Variants in CA12 observed in about 807,000 individuals in gnomAD.
CA12 encodes carbonic anhydrase 12.
A neutral mutation model predicts 46.8 loss-of-function variants in CA12; 36 were observed. That is an observed-to-expected ratio of 0.77 (90% CI 0.59 to 1.02). CA12 has a LOEUF of 1.02. CA12 is among the 50% of genes least tolerant of loss of function. CA12 has a pLI of 0.00. For synonymous variants in CA12, 202 were observed against 187.0 expected, an observed-to-expected ratio of 1.08 and a Z score of -0.65; for missense variants, 436 against 451.4, an observed-to-expected ratio of 0.97 and a Z score of 0.31.
intron 2 of CA12, among the ~76,000 whole-genome samples, chr15:63,367,834 G>A (rs532392307): frequency 1.3e-5 from 2 of 152,298 alleles, no homozygotes; most frequent in African/African-American, 4.8e-5. Context: ...CTCCTTAAAT[G>A]AATACTTACA....
chr15:63,334,156 C>T (rs1478752724), intron 8 of CA12, among the ~76,000 whole-genome samples: 3 of 150,824 alleles, frequency 2.0e-5, no homozygotes, highest in Admixed American at 6.6e-5. Context: ...GGCCTGAGGA[C>T]GTGTCCCCTC....
Position 63,345,709 on chromosome 15 carries a change from G to GC in CA12, c.287-91dup. ...GGTAGGCAATGCTCCCTCCACCCCT[G>GC]CTGCCACCCCCTGGAGCCCAGAGAG... On this transcript the variant is annotated intron_variant, in intron 3 of 10. Transcript: ENST00000178638. This position sits in a 1 kb window ranked among gnomAD's most constrained non-coding sequence, Gnocchi z 4.3. The GC allele has an allele frequency of 8.0e-6, 12 of 1,495,338 alleles. No individual in the cohort carries two copies. Among genetic ancestry groups the GC allele is most frequent in the Non-Finnish European group, 1.1e-5 (12 of 1,107,406 alleles). 92.6% of individuals were successfully genotyped at this position (1,495,338 alleles called of 1,614,324 possible). A position where few individuals can be genotyped will look rare whatever the true frequency, so the allele number is the denominator to read the frequency against.
intron 8 of CA12, among the ~76,000 whole-genome samples, chr15:63,335,381 C>G (rs1405817553): frequency 6.6e-6 from 1 of 152,068 alleles, no homozygotes; most frequent in Non-Finnish European, 1.5e-5. Context: ...TGATTCGGTC[C>G]AAATTGTCCC....
chr15:63,372,234 G>A lies in CA12; in HGVS notation c.106+3424C>T, dbSNP rs1229834097. Among the ~76,000 whole-genome samples the A allele has an allele frequency of 6.6e-6, 1 of 152,170 alleles. No homozygotes were observed. Among genetic ancestry groups the A allele is most frequent in the Admixed American group, 6.5e-5 (1 of 15,274 alleles). ...CTGCCGGGCTCAGCGGGATTGATGCGGGACTGATTTCCGGCGGGGAAGGTC... is the reference window on the plus strand; with the variant it reads ...CTGCCGGGCTCAGCGGGATTGATGCAGGACTGATTTCCGGCGGGGAAGGTC... On this transcript the variant is annotated intron_variant, in intron 2 of 10. Coordinates refer to ENST00000178638, the MANE Select transcript of CA12 (RefSeq NM_001218.5). This position sits in a 1 kb window ranked among gnomAD's most constrained non-coding sequence, Gnocchi z 4.5.
rs2039516173 is a variant in CA12, at chr15:63,372,157, A to G, written c.106+3501T>C. On this transcript the variant is annotated intron_variant, in intron 2 of 10. Transcript: ENST00000178638. This position sits in a 1 kb window ranked among gnomAD's most constrained non-coding sequence, Gnocchi z 4.5. ...CCTTAGCAGGCTGGAGTTTGTCCTTAGCTCACATGACAACCTGACCTGCAG... is the reference window on the plus strand; with the variant it reads ...CCTTAGCAGGCTGGAGTTTGTCCTTGGCTCACATGACAACCTGACCTGCAG... Among the ~76,000 whole-genome samples the G allele has an allele frequency of 6.6e-6, 1 of 152,148 alleles. No homozygotes were observed. Among genetic ancestry groups the G allele is most frequent in the Non-Finnish European group, 1.5e-5 (1 of 68,028 alleles).
intron 2 of CA12, among the ~76,000 whole-genome samples, chr15:63,362,752 C>G (rs977369272): frequency 6.6e-6 from 1 of 152,290 alleles, no homozygotes; most frequent in South Asian, 2.1e-4. Flanking sequence ...CTATAGCACT[C>G]TTGCTATTAT....
chr15:63,333,985 C>G (rs980589861), intron 8 of CA12, among the ~76,000 whole-genome samples: 5 of 152,132 alleles, frequency 3.3e-5, no homozygotes, highest in African/African-American at 1.2e-4. Flanking sequence ...GCTTCATTAC[C>G]CAGCATCTGG....
chr15:63,342,581 G>A (rs2039094686), intron 4 of CA12, among the ~76,000 whole-genome samples: 1 of 152,174 alleles, frequency 6.6e-6, no homozygotes, highest in African/African-American at 2.4e-5. Flanking sequence ...GGTCTGTGTT[G>A]ATGTTAATGA....
rs577556687 is a variant in CA12, at chr15:63,328,952, C to T, written c.875-822G>A. Among the ~76,000 whole-genome samples, 4 of 152,336 alleles carry T rather than the reference C, an allele frequency of 2.6e-5. No individual in the cohort carries two copies. Among genetic ancestry groups the T allele is most frequent in the South Asian group, 2.1e-4 (1 of 4,830 alleles). ...CTGATCTCAAGTGATCCACCTGCCT[C>T]GGCCTCCCAAACTATGGGGATTACA... On this transcript the variant is annotated intron_variant, in intron 8 of 10. Transcript: ENST00000178638. The surrounding 1 kb of genome is among the most constrained non-coding windows in gnomAD (Gnocchi z 5.9).
rs1448060295 is a variant in CA12, at chr15:63,340,184, G to A, written c.747+104C>T. On this transcript the variant is annotated intron_variant, in intron 7 of 10. Coordinates refer to ENST00000178638, the MANE Select transcript of CA12 (RefSeq NM_001218.5). The surrounding 1 kb of genome is among the most constrained non-coding windows in gnomAD (Gnocchi z 4.4). ...ATATTTGGAGAGGTTTTGAAGAGCT[G>A]CCAATGAAACTAAATGAGGAAATCA... The A allele has an allele frequency of 7.6e-7, 1 of 1,321,860 alleles. No individual in the cohort carries two copies. Among genetic ancestry groups the A allele is most frequent in the Non-Finnish European group, 1.1e-6 (1 of 928,916 alleles). The allele number at this position is 1,321,860 out of a possible 1,614,324, so 81.9% of individuals were successfully genotyped here. A position where few individuals can be genotyped will look rare whatever the true frequency, so the allele number is the denominator to read the frequency against.
rs1377494901 is a variant in CA12, at chr15:63,338,813, C to G, written c.874+6G>C. On this transcript the variant is annotated splice_donor_region_variant and intron_variant, in intron 8 of 10. Coordinates refer to ENST00000178638, the MANE Select transcript of CA12 (RefSeq NM_001218.5). Reference sequence around the variant, plus strand: ...ACCCCCTCCCCCCAGCACTGCCTCTCCTCACCTTGGGAGAAGGAGGTGTAT... The same window carrying G: ...ACCCCCTCCCCCCAGCACTGCCTCTGCTCACCTTGGGAGAAGGAGGTGTAT... The G allele has an allele frequency of 6.2e-7, 1 of 1,614,098 alleles. No individual in the cohort carries two copies. The highest frequency in any genetic ancestry group is 1.1e-5 in the South Asian group (1 of 91,074).
In CA12 at chr15:63,328,081, G is replaced by A. The variant is rs750874829; in HGVS notation, c.907+17C>T. The A allele has an allele frequency of 6.2e-7, 1 of 1,612,882 alleles. No homozygotes were observed. The highest frequency in any genetic ancestry group is 1.7e-5 in the Admixed American group (1 of 59,998). On this transcript the variant is annotated intron_variant, in intron 9 of 10. Coordinates refer to ENST00000178638, the MANE Select transcript of CA12 (RefSeq NM_001218.5). The surrounding 1 kb of genome is among the most constrained non-coding windows in gnomAD (Gnocchi z 5.9). Reference sequence around the variant, plus strand: ...CACCCAGCTGCAGCATGCACGGCTGGCTGCCCAGCCACATACCCAGACTCA... The same window carrying A: ...CACCCAGCTGCAGCATGCACGGCTGACTGCCCAGCCACATACCCAGACTCA...
At chr15:63,381,549 T>C (rs910099183) in intron 1 of CA12, 87 bp downstream of exon 1, 25 of 1,076,248 alleles carry the variant, frequency 2.3e-5, no homozygotes, top group South Asian at 9.4e-5. Context: ...CCCGCAGCAA[T>C]GATTTTACTT....
intron 2 of CA12, among the ~76,000 whole-genome samples, chr15:63,353,704 T>C (rs548904751): frequency 3.3e-5 from 5 of 152,016 alleles, no homozygotes; most frequent in Non-Finnish European, 7.4e-5. Flanking sequence ...CAGGATGGTG[T>C]CTGCATGTAA....
intron 2 of CA12, among the ~76,000 whole-genome samples, chr15:63,361,211 T>C (rs2039359106): frequency 6.6e-6 from 1 of 152,224 alleles, no homozygotes; most frequent in Non-Finnish European, 1.5e-5. Context: ...AACGGAGCAG[T>C]CCAGATGCTG....
In CA12 at chr15:63,327,953, G is replaced by C; in HGVS notation, c.907+145C>G. 1 of 737,968 alleles carries C rather than the reference G, an allele frequency of 1.4e-6. No homozygotes were observed. The highest frequency in any genetic ancestry group is 2.4e-6 in the Non-Finnish European group (1 of 413,958). The allele number at this position is 737,968 out of a possible 1,614,324, so 45.7% of individuals were successfully genotyped here. Reference sequence around the variant, plus strand: ...GCAGTTCATCTTTGAATCACAGAGCGACTTGAGGGTAAGACCCATAGCAAG... The same window carrying C: ...GCAGTTCATCTTTGAATCACAGAGCCACTTGAGGGTAAGACCCATAGCAAG... On this transcript the variant is annotated intron_variant, in intron 9 of 10. Transcript: ENST00000178638. This position sits in a 1 kb window ranked among gnomAD's most constrained non-coding sequence, Gnocchi z 4.5.
chr15:63,328,737 G>A lies in CA12; in HGVS notation c.875-607C>T, dbSNP rs2038899987. Among the ~76,000 whole-genome samples the A allele has an allele frequency of 6.6e-6, 1 of 151,974 alleles. No homozygotes were observed. The highest frequency in any genetic ancestry group is 2.4e-5 in the African/African-American group (1 of 41,356). ...TTTTTTTGAGACAGAGTCTCGCTCT[G>A]TCACACATGCTGGAGTGCAGTGGCA... On this transcript the variant is annotated intron_variant, in intron 8 of 10. Transcript: ENST00000178638. The surrounding 1 kb of genome is among the most constrained non-coding windows in gnomAD (Gnocchi z 5.9).
At chr15:63,333,766 T>C (rs931249771) in intron 8 of CA12, among the ~76,000 whole-genome samples, 2 of 152,202 alleles carry the variant, frequency 1.3e-5, no homozygotes, top group African/African-American at 2.4e-5. Context: ...TGCAGGACTA[T>C]AGATTTGCCC....
At chr15:63,357,595 C>T (rs762559813) in intron 2 of CA12, among the ~76,000 whole-genome samples, 25 of 152,170 alleles carry the variant, frequency 1.6e-4, no homozygotes, top group Non-Finnish European at 3.4e-4. Context: ...CCTTGTGGTT[C>T]TTGTGAGCAG....
Sources: allele counts gnomAD v4.1 joint callset (sites outside exome capture counted in the v4.1 genomes callset), GRCh38; gene constraint gnomAD v4.1.1; non-coding constraint Gnocchi (gnomAD v3.1); transcripts MANE v1.5; gene names NCBI Gene and HGNC (gene_info 2026-07-23, HGNC 2026-07-21).